Variants in STAC observed in about 807,000 individuals in gnomAD.
STAC encodes the protein SH3 and cysteine-rich domain-containing protein.
Under a neutral mutation model 48.8 loss-of-function variants are expected in STAC, and 43 were observed. That is an observed-to-expected ratio of 0.88 (90% CI 0.69 to 1.14). The LOEUF (loss-of-function observed/expected upper bound fraction) is 1.14. STAC is among the 50% of genes most tolerant of loss of function. The probability of loss-of-function intolerance (pLI) is 0.00; values close to 1 mark genes in which losing one functional copy is unlikely to be tolerated. For missense variants in STAC, 497 were observed against 504.0 expected, an observed-to-expected ratio of 0.99 and a Z score of 0.13; for synonymous variants, 193 against 179.5, an observed-to-expected ratio of 1.07 and a Z score of -0.60.
chr3:36,446,997 G>C (rs1455725158), intron 2 of STAC, among the ~76,000 whole-genome samples: 2 of 152,190 alleles, frequency 1.3e-5, no homozygotes, highest in Non-Finnish European at 2.9e-5. Flanking sequence ...GAGATGGGGT[G>C]TCTTATGAAA....
intron 1 of STAC, among the ~76,000 whole-genome samples, chr3:36,419,068 A>G (rs1575186399): frequency 1.3e-5 from 2 of 151,872 alleles, no homozygotes; most frequent in East Asian, 3.8e-4. Flanking sequence ...AAAAAAAGAA[A>G]TTATCTTCAA....
chr3:36,424,355 G>A (rs917790034), intron 1 of STAC, among the ~76,000 whole-genome samples: 3 of 152,028 alleles, frequency 2.0e-5, no homozygotes, highest in Non-Finnish European at 4.4e-5. Flanking sequence ...GAGCAATGAA[G>A]TTTATTTTAA....
intron 10 of STAC, among the ~76,000 whole-genome samples, chr3:36,545,224 T>C (rs111891371): frequency 5.3e-5 from 8 of 152,198 alleles, no homozygotes. Context: ...AATGACTGAC[T>C]GACATGGGGT....
Position 36,483,031 on chromosome 3 carries a change from A to C in STAC, c.428A>C (p.Lys143Thr). Residue 143 changes from lysine (K) to threonine (T), a missense_variant, in exon 3 of 11, where the codon AAG becomes ACG. Physicochemically the swap from Lys to Thr is moderately conservative, Grantham distance 78. Transcript: ENST00000273183. Reference sequence around the variant, plus strand: ...CATGGACTGCGCTGCAAAGCCTGTAAGATGAGCATCCACCACAAGTGCACA... The same window carrying C: ...CATGGACTGCGCTGCAAAGCCTGTACGATGAGCATCCACCACAAGTGCACA... ...AKHGLRCKAC[K>T]MSIHHKCTDG... The C allele has an allele frequency of 6.2e-7, 1 of 1,614,248 alleles. No homozygotes were observed. Among genetic ancestry groups the C allele is most frequent in the Admixed American group, 1.7e-5 (1 of 60,034 alleles).
chr3:36,534,209 A>G (rs1157426145), intron 10 of STAC, among the ~76,000 whole-genome samples: 1 of 152,176 alleles, frequency 6.6e-6, no homozygotes. Flanking sequence ...CTGAATGTCA[A>G]CCTTCTCATC....
intron 6 of STAC, among the ~76,000 whole-genome samples, chr3:36,502,342 G>A (rs926707121): frequency 4.6e-5 from 7 of 152,122 alleles, no homozygotes; most frequent in South Asian, 2.1e-4. Flanking sequence ...TCTTTTCTCC[G>A]CTTTCATTAA....
At chr3:36,395,932 T>TA (rs35371109) in intron 1 of STAC, among the ~76,000 whole-genome samples, 91 of 147,894 alleles carry the variant, frequency 6.2e-4, no homozygotes, top group East Asian at 1.2e-3. Flanking sequence ...CCACAAAGTT[T>TA]AAAAAAAAAA....
At chr3:36,537,248 G>A (rs1456858746) in intron 10 of STAC, among the ~76,000 whole-genome samples, 2 of 152,132 alleles carry the variant, frequency 1.3e-5, no homozygotes, top group African/African-American at 4.8e-5. Flanking sequence ...GCATGCATAT[G>A]TTCATTGCAG....
At chr3:36,464,126 G>C (rs1465536630) in intron 2 of STAC, among the ~76,000 whole-genome samples, 9 of 152,178 alleles carry the variant, frequency 5.9e-5, no homozygotes, top group African/African-American at 2.2e-4. Context: ...CTAGTTTACA[G>C]TCCCACCAAC....
chr3:36,414,503 C>T (rs867654422), intron 1 of STAC, among the ~76,000 whole-genome samples: 9 of 152,156 alleles, frequency 5.9e-5, no homozygotes, highest in Non-Finnish European at 1.3e-4. Flanking sequence ...ACGTAGTTCT[C>T]GTGCCATGGT....
chr3:36,409,633 T>C (rs531985475), intron 1 of STAC: 1 of 152,316 alleles, frequency 6.6e-6, no homozygotes, highest in Admixed American at 6.5e-5. Flanking sequence ...ACAGTGACAC[T>C]GACTTGAAGA....
At chr3:36,462,575 CA>C (rs1240588929) in intron 2 of STAC, among the ~76,000 whole-genome samples, 4 of 152,080 alleles carry the variant, frequency 2.6e-5, no homozygotes, top group Non-Finnish European at 5.9e-5. Context: ...GAGGAACTAG[CA>C]AAGGGACTGG....
chr3:36,452,514 C>T (rs35237806), intron 2 of STAC, among the ~76,000 whole-genome samples: 18,045 of 152,062 alleles, frequency 0.12, 1,314 homozygotes, highest in East Asian at 0.33. Flanking sequence ...GCACTAAGCC[C>T]GGGACCTATT....
At chr3:36,488,341 G>A (rs1697872101) in intron 5 of STAC, among the ~76,000 whole-genome samples, 1 of 152,232 alleles carries the variant, frequency 6.6e-6, no homozygotes, top group South Asian at 2.1e-4. Flanking sequence ...TGTTACCTGA[G>A]AAGGGCATTT....
At chr3:36,398,368 A>AAAG (rs1553631494) in intron 1 of STAC, among the ~76,000 whole-genome samples, 28 of 102,964 alleles carry the variant, frequency 2.7e-4, no homozygotes, top group Admixed American at 9.5e-4. Flanking sequence ...AGAAAGAAAG[A>AAAG]AAAGAAAGAG....
intron 10 of STAC, among the ~76,000 whole-genome samples, chr3:36,542,671 T>A (rs1201096298): frequency 6.6e-6 from 1 of 152,238 alleles, no homozygotes; most frequent in Non-Finnish European, 1.5e-5. Flanking sequence ...CTTTTCTTTA[T>A]TCATTAAGTC....
At chr3:36,489,156 A>G (rs1385678269) in intron 5 of STAC, among the ~76,000 whole-genome samples, 1 of 152,174 alleles carries the variant, frequency 6.6e-6, no homozygotes, top group Admixed American at 6.5e-5. Flanking sequence ...TTGCATTGTA[A>G]TCATCTGCTT....
intron 2 of STAC, among the ~76,000 whole-genome samples, chr3:36,458,341 T>C (rs1696908821): frequency 1.3e-5 from 2 of 152,188 alleles, no homozygotes; most frequent in South Asian, 4.1e-4. Context: ...TTGAGAGATA[T>C]CTAAAGTTTA....
chr3:36,493,528 C>A (rs1189815625), intron 6 of STAC, among the ~76,000 whole-genome samples: 1 of 151,766 alleles, frequency 6.6e-6, no homozygotes, highest in Non-Finnish European at 1.5e-5. Flanking sequence ...GTTTAAGAGT[C>A]GCTTCCAGAA....
Sources: gnomAD v4.1 joint callset for allele counts (sites outside exome capture counted in the v4.1 genomes callset) on GRCh38, gnomAD v4.1.1 for gene constraint, MANE v1.5 for transcripts, NCBI Gene and HGNC (gene_info 2026-07-23, HGNC 2026-07-21) for gene names.